COL4A2: variants seen among roughly 807,000 people sequenced by gnomAD.
The protein encoded by COL4A2 is collagen alpha-2(IV) chain.
COL4A2 carries 99 observed loss-of-function variants against 200.2 expected under a neutral mutation model. The observed-to-expected ratio is 0.49, with a 90% CI of 0.42 to 0.58. The LOEUF (loss-of-function observed/expected upper bound fraction) is 0.58, where lower values mean the gene tolerates loss of function less well. COL4A2 is among the 20% of genes least tolerant of loss of function. COL4A2 has a pLI of 0.00. For synonymous variants in COL4A2, 897 were observed against 900.6 expected, an observed-to-expected ratio of 1.00 and a Z score of 0.07; for missense variants, 1,950 against 2,314.1, an observed-to-expected ratio of 0.84 and a Z score of 3.23.
intron 4 of COL4A2, among the ~76,000 whole-genome samples, chr13:110,393,895 T>TA (rs1403387698): frequency 6.6e-6 from 1 of 152,126 alleles, no homozygotes; most frequent in African/African-American, 2.4e-5. Context: ...AATTCTTTTT[T>TA]ACATGACTCA....
chr13:110,357,364 T>C, intron 3 of COL4A2, 108 bp from the exon 4 acceptor site: 1 of 1,456,330 alleles, frequency 6.9e-7, no homozygotes, highest in South Asian at 1.4e-5. Context: ...ATGTTTTGAA[T>C]GAATCGTTTC....
At chr13:110,365,874 C>T (rs973836014) in intron 4 of COL4A2, among the ~76,000 whole-genome samples, 1 of 152,132 alleles carries the variant, frequency 6.6e-6, no homozygotes, top group Non-Finnish European at 1.5e-5. Context: ...AAGAAAATGC[C>T]ACTTCCAAAG....
chr13:110,449,271 G>A (rs149866287), intron 18 of COL4A2, among the ~76,000 whole-genome samples: 3 of 152,304 alleles, frequency 2.0e-5, no homozygotes, highest in Admixed American at 1.3e-4. Flanking sequence ...TGTTTGTTCA[G>A]GGGTGAAAGT....
chr13:110,424,828 A>G lies in COL4A2; in HGVS notation c.275A>G (p.Glu92Gly). ...CAGGGACGTAAAGGAGACAAGGGTG[A>G]AAGGGGAGCCCCCGGAGTAACGGGA... is the stretch of plus-strand genomic sequence containing the variant. ...GLQGRKGDKGERGAPGVTGPK... is the reference protein window; with the variant it reads ...GLQGRKGDKGGRGAPGVTGPK... The change falls in exon 5 of 48, where the codon GAA becomes GGA. Residue 92 changes from glutamate (E) to glycine (G), a missense_variant. Glu to Gly is a moderately conservative substitution (Grantham distance 98). Coordinates refer to ENST00000360467, the MANE Select transcript of COL4A2 (RefSeq NM_001846.4). 2 of 1,614,112 alleles carry G rather than the reference A, an allele frequency of 1.2e-6. No homozygotes were observed. The highest frequency in any genetic ancestry group is 1.7e-6 in the Non-Finnish European group (2 of 1,179,978).
intron 31 of COL4A2, 97 bp from the exon 32 acceptor site, chr13:110,482,419 T>C: frequency 7.5e-7 from 1 of 1,327,700 alleles, no homozygotes; most frequent in Non-Finnish European, 1.1e-6. Flanking sequence ...TCTTCTCACT[T>C]GAGTTACATT....
chr13:110,412,449 C>T (rs1413680349), intron 4 of COL4A2, among the ~76,000 whole-genome samples: 1 of 152,178 alleles, frequency 6.6e-6, no homozygotes, highest in Non-Finnish European at 1.5e-5. Context: ...CAGAACTGCA[C>T]GTCACTCCGA....
In COL4A2 at chr13:110,503,828, C is replaced by T; in HGVS notation, c.4139-19C>T. The stretch of plus-strand genomic sequence containing the variant: ...AACGACCTTGTGTGTTTACTGGGGC[C>T]TCTCTGTTTCCCTTCCAGGTGCCCC... On this transcript the variant is annotated intron_variant, in intron 43 of 47. Coordinates refer to ENST00000360467, the MANE Select transcript of COL4A2 (RefSeq NM_001846.4). 1.2e-6 allele frequency: 2 copies of T among 1,613,866 alleles called. No individual in the cohort carries two copies. The highest frequency in any genetic ancestry group is 1.7e-6 in the Non-Finnish European group (2 of 1,179,820).
chr13:110,338,437 G>T (rs921797649), intron 3 of COL4A2, among the ~76,000 whole-genome samples: 4 of 150,636 alleles, frequency 2.7e-5, no homozygotes, highest in East Asian at 1.9e-4. Context: ...TTGTGTGTGG[G>T]GGGGGGTGGG....
intron 28 of COL4A2, among the ~76,000 whole-genome samples, chr13:110,472,456 C>T (rs118070965): frequency 0.023 from 3,511 of 152,136 alleles, 57 homozygotes; most frequent in Admixed American, 0.035. Context: ...GTTTCCCAAC[C>T]GACAGTGACG....
chr13:110,358,338 G>A (rs1189670951), intron 4 of COL4A2, among the ~76,000 whole-genome samples: 1 of 152,080 alleles, frequency 6.6e-6, no homozygotes, highest in Non-Finnish European at 1.5e-5. Flanking sequence ...GAAGGTCTTC[G>A]GGGCAATAAC....
At chr13:110,401,551 C>G (rs766239908) in intron 4 of COL4A2, among the ~76,000 whole-genome samples, 3 of 152,214 alleles carry the variant, frequency 2.0e-5, no homozygotes, top group African/African-American at 7.2e-5. Context: ...GAACTTTCAG[C>G]TTCATTGCTT....
Position 110,439,661 on chromosome 13 carries a change from G to T in COL4A2, c.913-128G>T, listed in dbSNP as rs1292276596. 15 of 1,462,880 alleles carry T rather than the reference G, an allele frequency of 1.0e-5. No homozygotes were observed. The East Asian group carries it at 3.1e-4, about 30-fold the overall frequency. The allele number at this position is 1,462,880 out of a possible 1,614,324, so 90.6% of individuals were successfully genotyped here. ...ATTTGTTGCTATTCTTCAAAATCTG[G>T]ACCTGAGACTTGTTCAATCTGTCCA... On this transcript the variant is annotated intron_variant, in intron 15 of 47. Coordinates refer to ENST00000360467, the MANE Select transcript of COL4A2 (RefSeq NM_001846.4).
intron 4 of COL4A2, among the ~76,000 whole-genome samples, chr13:110,357,795 T>A (rs1353896617): frequency 6.6e-6 from 1 of 152,192 alleles, no homozygotes; most frequent in Non-Finnish European, 1.5e-5. Context: ...TATTTGTATA[T>A]CTAAATACAG....
chr13:110,474,554 GCACA>G (rs762457703), intron 29 of COL4A2, among the ~76,000 whole-genome samples: 3 of 122,296 alleles, frequency 2.5e-5, no homozygotes, highest in Non-Finnish European at 5.5e-5. Context: ...GTGCATGCAT[GCACA>G]CACACACACA....
chr13:110,512,583 G>T lies in COL4A2; in HGVS notation c.*392G>T. ...CAACAGCACACAGGCAGCCAGCCGT[G>T]GCCAGAGGCTCGAGGGGCTCAGGGC... On this transcript the variant is annotated 3_prime_UTR_variant, in exon 48 of 48. Transcript: ENST00000360467. The T allele has an allele frequency of 4.9e-6, 1 of 204,232 alleles. No homozygotes were observed. The highest frequency in any genetic ancestry group is 5.7e-5 in the Admixed American group (1 of 17,614). The allele number at this position is 204,232 out of a possible 1,614,324, so 12.7% of individuals were successfully genotyped here.
At chr13:110,319,789 T>C (rs1373326057) in intron 3 of COL4A2, among the ~76,000 whole-genome samples, 1 of 152,232 alleles carries the variant, frequency 6.6e-6, no homozygotes, top group Non-Finnish European at 1.5e-5. Flanking sequence ...CTTCCTTTCC[T>C]AGCTGTTCCC....
chr13:110,512,561 C>T lies in COL4A2; in HGVS notation c.*370C>T, dbSNP rs976992150. On this transcript the variant is annotated 3_prime_UTR_variant, in exon 48 of 48. Coordinates refer to ENST00000360467, the MANE Select transcript of COL4A2 (RefSeq NM_001846.4). ...TCTCGGGGTGGGACAGACGAGACAACAGCACACAGGCAGCCAGCCGTGGCC... is the reference window on the plus strand; with the variant it reads ...TCTCGGGGTGGGACAGACGAGACAATAGCACACAGGCAGCCAGCCGTGGCC... 1 of 229,852 alleles carries T rather than the reference C, an allele frequency of 4.4e-6. No homozygotes were observed. Among genetic ancestry groups the T allele is most frequent in the South Asian group, 6.9e-5 (1 of 14,396 alleles). The allele number at this position is 229,852 out of a possible 1,614,324, so 14.2% of individuals were successfully genotyped here. A position where few individuals can be genotyped will look rare whatever the true frequency, so the allele number is the denominator to read the frequency against.
At chr13:110,378,662 G>A (rs763871936) in intron 4 of COL4A2, among the ~76,000 whole-genome samples, 4 of 152,204 alleles carry the variant, frequency 2.6e-5, no homozygotes, top group Non-Finnish European at 5.9e-5. Context: ...TGAAGCAAAT[G>A]CCCTCTGCAT....
At chr13:110,323,832 T>G (rs1373948571) in intron 3 of COL4A2, among the ~76,000 whole-genome samples, 4 of 152,118 alleles carry the variant, frequency 2.6e-5, no homozygotes, top group Non-Finnish European at 5.9e-5. Flanking sequence ...AGAGGGAAAG[T>G]CGAGATTCCT....
Sources: gnomAD v4.1 joint callset for allele counts (sites outside exome capture counted in the v4.1 genomes callset) on GRCh38, gnomAD v4.1.1 for gene constraint, MANE v1.5 for transcripts, NCBI Gene and HGNC (gene_info 2026-07-23, HGNC 2026-07-21) for gene names.